Variants in ZMAT3 observed in about 807,000 individuals in gnomAD.
The protein encoded by ZMAT3 is zinc finger matrin-type 3.
A neutral mutation model predicts 32.3 loss-of-function variants in ZMAT3; 17 were observed. That is an observed-to-expected ratio of 0.53 (90% confidence interval 0.36 to 0.79). ZMAT3 has a LOEUF of 0.79. Among genes scored for constraint, ZMAT3 ranks in the 30% least tolerant of loss-of-function variants. The pLI is 0.00. For missense variants in ZMAT3, 329 were observed against 359.7 expected, an observed-to-expected ratio of 0.91 and a Z score of 0.69; for synonymous variants, 120 against 133.1, an observed-to-expected ratio of 0.90 and a Z score of 0.68.
In ZMAT3 at chr3:179,035,603, G is replaced by C. The variant is rs528189274; in HGVS notation, c.271-4604C>G. On this transcript the variant is annotated intron_variant, in intron 2 of 5. Transcript: ENST00000311417. The stretch of plus-strand genomic sequence containing the variant: ...ACTATCTAAAATAATATAGTTTGTT[G>C]ACTTGTTTTTTTTTCTCTTTCCTCC... Among the ~76,000 whole-genome samples, 9 of 135,068 alleles carry C rather than the reference G, an allele frequency of 6.7e-5. No individual in the cohort carries two copies. The South Asian group carries it at 2.0e-3, about 30-fold the overall frequency. The allele number at this position is 135,068 out of a possible 152,430, so 88.6% of individuals were successfully genotyped here.
intron 2 of ZMAT3, among the ~76,000 whole-genome samples, chr3:179,066,525 A>C (rs1721426537): frequency 6.6e-6 from 1 of 152,220 alleles, no homozygotes. Context: ...TATAGTGCAC[A>C]ACAGAAGAAA....
At position 179,065,985 on chromosome 3, in the gene ZMAT3, AG is replaced by A. The variant is rs1451688823; in HGVS notation, c.270+1497del. ...TTTGCCCCCAAGTTAATGATTTGTT[AG>A]GGGCTTTATATGGCTAATAATTAAA... On this transcript the variant is annotated intron_variant, in intron 2 of 5. Transcript: ENST00000311417. 2.6e-5 allele frequency among the ~76,000 whole-genome samples: 4 copies of A among 152,346 alleles called. No individual in the cohort carries two copies. The East Asian group carries it at 7.7e-4, about 29-fold the overall frequency.
chr3:179,063,737 G>T (rs1469190716), intron 2 of ZMAT3, among the ~76,000 whole-genome samples: 1 of 152,216 alleles, frequency 6.6e-6, no homozygotes, highest in Non-Finnish European at 1.5e-5. Context: ...CCTGAAGCCT[G>T]CAGATAGACT....
chr3:179,024,525 A>G lies in ZMAT3; in HGVS notation c.*492T>C, dbSNP rs1008695185. On this transcript the variant is annotated 3_prime_UTR_variant, in exon 6 of 6. Transcript: ENST00000311417. Reference sequence around the variant, plus strand: ...AGACCTTAACAGTTTCTAATAATGTATTCTACTGACAATGCATTGAGGTGG... The same window carrying G: ...AGACCTTAACAGTTTCTAATAATGTGTTCTACTGACAATGCATTGAGGTGG... 1.3e-5 allele frequency: 2 copies of G among 158,692 alleles called. No individual in the cohort carries two copies. Among genetic ancestry groups the G allele is most frequent in the Non-Finnish European group, 2.8e-5 (2 of 71,304 alleles). The allele number at this position is 158,692 out of a possible 1,614,324, so 9.8% of individuals were successfully genotyped here.
At chr3:179,066,279 T>C (rs1721412136) in intron 2 of ZMAT3, among the ~76,000 whole-genome samples, 1 of 152,068 alleles carries the variant, frequency 6.6e-6, no homozygotes, top group Non-Finnish European at 1.5e-5. Context: ...TGATGACACA[T>C]GTCAAGAGCT....
At chr3:179,040,247 C>T (rs187300749) in intron 2 of ZMAT3, among the ~76,000 whole-genome samples, 116 of 152,266 alleles carry the variant, frequency 7.6e-4, no homozygotes, top group Non-Finnish European at 1.0e-3. Context: ...CAAAGATACT[C>T]CTTGGGAAGA....
At chr3:179,065,258 T>G (rs776705322) in intron 2 of ZMAT3, among the ~76,000 whole-genome samples, 12 of 152,204 alleles carry the variant, frequency 7.9e-5, no homozygotes, top group Non-Finnish European at 1.6e-4. Flanking sequence ...ACTTAAAAAT[T>G]CTGATTTTTG....
rs528227332 is a variant in ZMAT3 at position 179,038,638 on chromosome 3, G to A, written c.271-7639C>T. On this transcript the variant is annotated intron_variant, in intron 2 of 5. Transcript: ENST00000311417. The stretch of plus-strand genomic sequence containing the variant: ...ACAGCTCTGGTCTGCAGCTCCCAGC[G>A]TGATCAATGCAGCAGACGGGTGATA... Among the ~76,000 whole-genome samples the A allele has an allele frequency of 2.6e-4, 39 of 152,296 alleles. No homozygotes were observed. The South Asian group carries it at 6.2e-3, about 24-fold the overall frequency.
rs1380686587 is a variant in ZMAT3, at chr3:179,018,661, C to T, written c.*6356G>A. The T allele has an allele frequency of 6.6e-6, 1 of 151,928 alleles. No individual in the cohort carries two copies. The highest frequency in any genetic ancestry group is 1.5e-5 in the Non-Finnish European group (1 of 67,938). 9.4% of individuals were successfully genotyped at this position (151,928 alleles called of 1,614,324 possible). ...TAGATTTTATCTAAAGAATCTTATC[C>T]ACAAAAAGTGGGCATAAAAATAAAG... On this transcript the variant is annotated 3_prime_UTR_variant, in exon 6 of 6. Transcript: ENST00000311417.
At chr3:179,050,980 C>T (rs1037123088) in intron 2 of ZMAT3, among the ~76,000 whole-genome samples, 3 of 152,166 alleles carry the variant, frequency 2.0e-5, no homozygotes, top group Non-Finnish European at 4.4e-5. Flanking sequence ...ATAGAAGAAA[C>T]ACACCTTAAG....
chr3:179,065,983 T>C (rs1344816961), intron 2 of ZMAT3, among the ~76,000 whole-genome samples: 1 of 152,232 alleles, frequency 6.6e-6, no homozygotes, highest in Non-Finnish European at 1.5e-5. Flanking sequence ...TAATGATTTG[T>C]TAGGGGCTTT....
At position 179,017,826 on chromosome 3, in the gene ZMAT3, G is replaced by C. The variant is rs955092225; in HGVS notation, c.*7191C>G. On this transcript the variant is annotated 3_prime_UTR_variant, in exon 6 of 6. Transcript: ENST00000311417. ...TCTGAATCTAGAGCATATTTCCAAG[G>C]AGAAGCAACTTATTGTCCCAGCAGA... The C allele has an allele frequency of 2.6e-5, 4 of 152,144 alleles. No homozygotes were observed. The highest frequency in any genetic ancestry group is 9.7e-5 in the African/African-American group (4 of 41,428). 9.4% of individuals were successfully genotyped at this position (152,144 alleles called of 1,614,324 possible).
chr3:179,055,921 C>T (rs1720818181), intron 2 of ZMAT3, among the ~76,000 whole-genome samples: 1 of 152,144 alleles, frequency 6.6e-6, no homozygotes, highest in African/African-American at 2.4e-5. Context: ...GCAGGCAGTT[C>T]CCAGTGTAGA....
intron 2 of ZMAT3, 86 bp downstream of exon 2, chr3:179,067,397 G>C: frequency 7.1e-7 from 1 of 1,410,792 alleles, no homozygotes. Flanking sequence ...TCCAGGCACA[G>C]TCATATCTGG....
At position 179,067,503 on chromosome 3, in the gene ZMAT3, G is replaced by T; in HGVS notation, c.250C>A (p.Gln84Lys). Reference sequence around the variant, plus strand: ...TTTACCTGATAATGAGCCTGGGCTTGCTGTGCAGAGTTCAAGGTGACATTG... The same window carrying T: ...TTTACCTGATAATGAGCCTGGGCTTTCTGTGCAGAGTTCAAGGTGACATTG... Reference protein sequence around the residue: ...LCNVTLNSAQQAQAHYQGKNH... With the variant: ...LCNVTLNSAQKAQAHYQGKNH... Residue 84 changes from glutamine (Q) to lysine (K), a missense_variant, in exon 2 of 6, where the codon CAA (glutamine) becomes AAA (lysine). Transcript: ENST00000311417. 1 of 1,614,166 alleles carries T rather than the reference G, an allele frequency of 6.2e-7. No individual in the cohort carries two copies.
intron 2 of ZMAT3, among the ~76,000 whole-genome samples, chr3:179,033,348 C>G (rs1211230940): frequency 6.6e-6 from 1 of 152,090 alleles, no homozygotes; most frequent in Non-Finnish European, 1.5e-5. Flanking sequence ...ACAAACACTG[C>G]GGAAGGCGGA....
At chr3:179,034,900 AC>A (rs2108547758) in intron 2 of ZMAT3, among the ~76,000 whole-genome samples, 1 of 152,338 alleles carries the variant, frequency 6.6e-6, no homozygotes, top group South Asian at 2.1e-4. Flanking sequence ...CTCCATGGAT[AC>A]TACAAATACC....
intron 2 of ZMAT3, among the ~76,000 whole-genome samples, chr3:179,066,457 T>C (rs1360463378): frequency 6.6e-6 from 1 of 152,182 alleles, no homozygotes; most frequent in Admixed American, 6.5e-5. Context: ...AATCAGTCTT[T>C]GGGATCAAAA....
intron 2 of ZMAT3, among the ~76,000 whole-genome samples, chr3:179,035,695 G>A (rs1357827886): frequency 1.3e-5 from 2 of 151,940 alleles, no homozygotes; most frequent in Non-Finnish European, 2.9e-5. Flanking sequence ...TAATCCCAAT[G>A]CCTAGAATAG....
Sources: gnomAD v4.1 joint callset for allele counts (sites outside exome capture counted in the v4.1 genomes callset) on GRCh38, gnomAD v4.1.1 for gene constraint, MANE v1.5 for transcripts, NCBI Gene and HGNC (gene_info 2026-07-23, HGNC 2026-07-21) for gene names.